Variants in CFAP206 observed in about 807,000 individuals in gnomAD.
CFAP206 encodes cilia- and flagella-associated protein 206.
In CFAP206, 53 loss-of-function variants were observed where a neutral mutation model predicts 65.4. The observed-to-expected ratio is 0.81, with a 90% CI of 0.65 to 1.02. The LOEUF is 1.02. Among genes scored for constraint, CFAP206 ranks in the 50% least tolerant of loss-of-function variants. The probability of loss-of-function intolerance (pLI) is 0.00; values close to 1 mark genes in which losing one functional copy is unlikely to be tolerated. For missense variants in CFAP206, 663 were observed against 753.2 expected, an observed-to-expected ratio of 0.88 and a Z score of 1.40; for synonymous variants, 250 against 254.4, an observed-to-expected ratio of 0.98 and a Z score of 0.17.
intron 7 of CFAP206, among the ~76,000 whole-genome samples, chr6:87,422,674 G>A (rs933745094): frequency 6.6e-6 from 1 of 150,962 alleles, no homozygotes; most frequent in Non-Finnish European, 1.5e-5. Flanking sequence ...TCGCTTGAAC[G>A]CGGAGGGTGG....
chr6:87,460,677 C>A (rs1768730554), intron 11 of CFAP206, among the ~76,000 whole-genome samples: 1 of 152,018 alleles, frequency 6.6e-6, no homozygotes, highest in African/African-American at 2.4e-5. Flanking sequence ...CTAGTGGGTA[C>A]TGTGGTCACT....
chr6:87,418,233 C>A lies in CFAP206; in HGVS notation c.657C>A (p.Ile219=). The A allele has an allele frequency of 6.2e-7, 1 of 1,614,156 alleles. No individual in the cohort carries two copies. Among genetic ancestry groups the A allele is most frequent in the Non-Finnish European group, 8.5e-7 (1 of 1,180,038 alleles). ...DDLPAVLHVA[I]PATMQHIDYQ... ...TGCCAGCTGTTCTCCATGTAGCAAT[C>A]CCAGCCACCATGCAGCATATTGATT... The change falls in exon 7 of 13, where the codon ATC becomes ATA. Residue 219 remains isoleucine (I), a synonymous_variant. Coordinates refer to ENST00000369562, the MANE Select transcript of CFAP206 (RefSeq NM_001031743.3).
Position 87,409,895 on chromosome 6 carries a change from A to C in CFAP206, c.56A>C (p.Gln19Pro). 1.9e-6 allele frequency: 3 copies of C among 1,613,614 alleles called. No individual in the cohort carries two copies. The highest frequency in any genetic ancestry group is 2.5e-6 in the Non-Finnish European group (3 of 1,179,752). The change falls in exon 2 of 13, where the codon CAA becomes CCA. Residue 19 changes from glutamine to proline, a missense_variant. Physicochemically the swap from Gln to Pro is moderately conservative, Grantham distance 76. Transcript: ENST00000369562. The stretch of plus-strand genomic sequence containing the variant: ...AGGAGTATTATACGAGAAATAGGAC[A>C]AGAATGTGCAGCCCATGGAGAGATT... ...VIRSIIREIG[Q>P]ECAAHGEIVS...
chr6:87,415,514 T>C (rs1483330031), intron 4 of CFAP206, 172 bp from the exon 5 acceptor site: 1 of 692,226 alleles, frequency 1.4e-6, no homozygotes, highest in Non-Finnish European at 2.6e-6. Context: ...TCCTGGATTT[T>C]TGTCTTGAGG....
Position 87,408,025 on chromosome 6 carries a change from C to T in CFAP206, c.-70C>T, listed in dbSNP as rs7759848. 977,845 of 985,500 alleles carry T rather than the reference C, an allele frequency of 0.99. 485,135 individuals carry two copies. Among genetic ancestry groups the T allele is most frequent in the East Asian group, 1 (8,780 of 8,780 alleles). The allele number at this position is 985,500 out of a possible 1,614,324, so 61.0% of individuals were successfully genotyped here. A position where few individuals can be genotyped will look rare whatever the true frequency, so the allele number is the denominator to read the frequency against. ...GCTGCGAGCGCCCAACTGCTCCGAC[C>T]GTCGCGGTGAGGGCCCCAGGACAGA... On this transcript the variant is annotated 5_prime_UTR_variant, in exon 1 of 13. Coordinates refer to ENST00000369562, the MANE Select transcript of CFAP206 (RefSeq NM_001031743.3).
chr6:87,445,890 C>T (rs186080286), intron 11 of CFAP206, among the ~76,000 whole-genome samples: 1 of 152,202 alleles, frequency 6.6e-6, no homozygotes, highest in East Asian at 1.9e-4. Flanking sequence ...TTTTAATAAT[C>T]GCCATTCTGA....
chr6:87,452,162 A>G (rs1215706331), intron 11 of CFAP206, among the ~76,000 whole-genome samples: 2 of 152,190 alleles, frequency 1.3e-5, no homozygotes, highest in African/African-American at 2.4e-5. Flanking sequence ...GAGGAGAACA[A>G]GAGACTCTGC....
rs1213697706 is a variant in CFAP206, at chr6:87,464,450, G to A, written c.*200G>A. The A allele has an allele frequency of 2.5e-6, 1 of 395,184 alleles. No homozygotes were observed. The highest frequency in any genetic ancestry group is 2.0e-5 in the African/African-American group (1 of 49,630). The allele number at this position is 395,184 out of a possible 1,614,324, so 24.5% of individuals were successfully genotyped here. A position where few individuals can be genotyped will look rare whatever the true frequency, so the allele number is the denominator to read the frequency against. On this transcript the variant is annotated 3_prime_UTR_variant, in exon 13 of 13. Transcript: ENST00000369562. ...TCTGTTGAAATTGAAAAATAAAACT[G>A]TCCATTTATCTTTTATTTGTTAGAA...
Position 87,421,697 on chromosome 6 carries a change from C to T in CFAP206, c.840+3281C>T, listed in dbSNP as rs953348295. ...CAAGGCAGACACCAAAGAGGGAAAG[C>T]TGCATGTTATTGTGCAAGTAAGAGC... On this transcript the variant is annotated intron_variant, in intron 7 of 12. Transcript: ENST00000369562. 1.2e-4 allele frequency among the ~76,000 whole-genome samples: 19 copies of T among 152,168 alleles called. 1 individual carries two copies. Among genetic ancestry groups the T allele is most frequent in the South Asian group, 8.3e-4 (4 of 4,832 alleles).
chr6:87,460,634 A>G (rs1382832072), intron 11 of CFAP206, among the ~76,000 whole-genome samples: 5 of 152,190 alleles, frequency 3.3e-5, no homozygotes, highest in Admixed American at 2.6e-4. Flanking sequence ...AACAGTGGAA[A>G]GAGTGGGAGG....
At chr6:87,461,893 G>A (rs1299117192) in intron 12 of CFAP206, among the ~76,000 whole-genome samples, 3 of 152,180 alleles carry the variant, frequency 2.0e-5, no homozygotes, top group African/African-American at 7.2e-5. Context: ...CTCAAAGCAT[G>A]CAGGGGAGTG....
intron 7 of CFAP206, among the ~76,000 whole-genome samples, chr6:87,421,972 G>C (rs1471729481): frequency 6.6e-6 from 1 of 152,100 alleles, no homozygotes; most frequent in Non-Finnish European, 1.5e-5. Context: ...AGTTTGACTA[G>C]ACTTGTTGAA....
At chr6:87,423,254 C>CTT (rs1341544427) in intron 7 of CFAP206, among the ~76,000 whole-genome samples, 1 of 132,504 alleles carries the variant, frequency 7.5e-6, no homozygotes. Context: ...TTTTATTTTT[C>CTT]TTTTTTTTTT....
At chr6:87,448,992 C>G (rs188858990) in intron 11 of CFAP206, among the ~76,000 whole-genome samples, 2 of 151,982 alleles carry the variant, frequency 1.3e-5, no homozygotes, top group Non-Finnish European at 2.9e-5. Context: ...CTTTGACATA[C>G]TAATTTCCTT....
At chr6:87,413,364 TAACTC>T (rs1767770627) in intron 3 of CFAP206, among the ~76,000 whole-genome samples, 1 of 152,184 alleles carries the variant, frequency 6.6e-6, no homozygotes, top group Non-Finnish European at 1.5e-5. Context: ...TTAAGTGAAA[TAACTC>T]AGAAAGTAAA....
intron 11 of CFAP206, among the ~76,000 whole-genome samples, chr6:87,436,267 G>C (rs1251051175): frequency 1.3e-5 from 2 of 151,768 alleles, no homozygotes; most frequent in South Asian, 2.1e-4. Context: ...TGTATTTTTA[G>C]TAGAGATACG....
intron 7 of CFAP206, among the ~76,000 whole-genome samples, chr6:87,420,067 A>T (rs1185771258): frequency 6.6e-6 from 1 of 152,148 alleles, no homozygotes; most frequent in African/African-American, 2.4e-5. Flanking sequence ...GCCAAGGAAG[A>T]CCCCATCTCT....
chr6:87,462,372 T>C (rs975435868), intron 12 of CFAP206, among the ~76,000 whole-genome samples: 2 of 152,218 alleles, frequency 1.3e-5, no homozygotes, highest in African/African-American at 4.8e-5. Context: ...TATTCCTTCC[T>C]ATCAGTTACT....
intron 4 of CFAP206, among the ~76,000 whole-genome samples, chr6:87,414,973 A>C (rs1582132359): frequency 6.6e-6 from 1 of 152,264 alleles, no homozygotes; most frequent in East Asian, 1.9e-4. Flanking sequence ...ATAGGTATAA[A>C]CTGTGCGTGG....
Sources: allele counts gnomAD v4.1 joint callset (sites outside exome capture counted in the v4.1 genomes callset), GRCh38; gene constraint gnomAD v4.1.1; transcripts MANE v1.5; gene names NCBI Gene and HGNC (gene_info 2026-07-23, HGNC 2026-07-21).